The following NAV2 variants were observed in gnomAD, a reference collection of about 807,000 sequenced individuals.
NAV2 encodes the protein neuron navigator 2, also known as helicase, APC down-regulated 1.
In NAV2, 54 loss-of-function variants were observed where a neutral mutation model predicts 223.2. The ratio of observed to expected loss-of-function variants is 0.24; its 90% CI spans 0.19 to 0.30. The LOEUF is 0.30. NAV2 is among the 10% of genes least tolerant of loss of function. NAV2 has a pLI of 1.00. For synonymous variants in NAV2, 1,279 were observed against 1,239.3 expected (o/e 1.03, Z -0.67); for missense variants, 2,806 against 3,147.5 (o/e 0.89, Z 2.60).
chr11:19,722,069 T>C (rs2050789908), intron 1 of NAV2, among the ~76,000 whole-genome samples: 1 of 152,218 alleles, frequency 6.6e-6, no homozygotes, highest in Admixed American at 6.5e-5. Context: ...ATAAATGAAA[T>C]AGGAGTGTGT....
At chr11:19,844,492 G>A (rs1300090980) in intron 3 of NAV2, among the ~76,000 whole-genome samples, 1 of 152,192 alleles carries the variant, frequency 6.6e-6, no homozygotes, top group Non-Finnish European at 1.5e-5. Context: ...GACCAGAAAT[G>A]TTTTGGATTT....
chr11:20,107,858 C>T (rs2062275959), intron 36 of NAV2, 76 bp downstream of exon 36: 2 of 980,110 alleles, frequency 2.0e-6, no homozygotes, highest in African/African-American at 3.2e-5. Flanking sequence ...GTCTTTATCT[C>T]CTCCTCCAGG....
rs867903053 is a variant in NAV2, at chr11:19,831,253, G to C, written c.268-1231G>C. 6.0e-4 allele frequency among the ~76,000 whole-genome samples: 84 copies of C among 140,918 alleles called. 2 individuals carry two copies. Among genetic ancestry groups the C allele is most frequent in the Middle Eastern group, 3.4e-3 (1 of 290 alleles). 92.4% of individuals were successfully genotyped at this position (140,918 alleles called of 152,430 possible). A position where few individuals can be genotyped will look rare whatever the true frequency, so the allele number is the denominator to read the frequency against. ...GGGGGGGGGGCGCGATGGGGAGTGG[G>C]GGGGGATGACCATTGTGTGGGATTA... is the stretch of plus-strand genomic sequence containing the variant. On this transcript the variant is annotated intron_variant, in intron 1 of 37. Transcript: ENST00000349880.
intron 1 of NAV2, among the ~76,000 whole-genome samples, chr11:19,466,652 A>G (rs1472398277): frequency 6.6e-6 from 1 of 152,212 alleles, no homozygotes; most frequent in Non-Finnish European, 1.5e-5. Context: ...GGAGCCACAC[A>G]CGAGGGCTCT....
At chr11:20,013,747 T>G (rs143647099) in intron 11 of NAV2, among the ~76,000 whole-genome samples, 69 of 152,298 alleles carry the variant, frequency 4.5e-4, no homozygotes, top group African/African-American at 1.6e-3. Flanking sequence ...AGGGGACAGA[T>G]GGATCATGAG....
intron 6 of NAV2, among the ~76,000 whole-genome samples, chr11:19,915,553 C>T (rs1166349409): frequency 6.6e-6 from 1 of 152,242 alleles, no homozygotes; most frequent in Non-Finnish European, 1.5e-5. Context: ...CTGCAGCTCT[C>T]CATTTGAAAT....
chr11:19,694,916 C>T (rs1327333116), intron 1 of NAV2, among the ~76,000 whole-genome samples: 2 of 152,186 alleles, frequency 1.3e-5, no homozygotes, highest in African/African-American at 2.4e-5. Context: ...CCACTGTCCC[C>T]GGAGCCTGTT....
chr11:19,969,212 A>G (rs2625300), intron 10 of NAV2, among the ~76,000 whole-genome samples: 128,802 of 152,224 alleles, frequency 0.85, 55,068 homozygotes, highest in African/African-American at 0.94. Flanking sequence ...ATACAATGGG[A>G]AATTTGGCCA....
At chr11:19,604,156 T>C (rs998190295) in intron 1 of NAV2, among the ~76,000 whole-genome samples, 1 of 152,022 alleles carries the variant, frequency 6.6e-6, no homozygotes, top group Non-Finnish European at 1.5e-5. Context: ...TTTGGAGGGT[T>C]TTAAGCAGAG....
chr11:19,718,204 T>A (rs183136329), intron 1 of NAV2, among the ~76,000 whole-genome samples: 60 of 152,334 alleles, frequency 3.9e-4, no homozygotes, highest in African/African-American at 1.3e-3. Context: ...ATTAGGACCA[T>A]GTGCAGAGAG....
chr11:19,407,544 C>T lies in NAV2; in HGVS notation c.75+56517C>T, dbSNP rs551145909. On this transcript the variant is annotated intron_variant, in intron 1 of 37. Transcript: ENST00000360655. Reference sequence around the variant, plus strand: ...TTTGTAAGCATGCGGAAGAGTTTGACGTTCACCAGTGGACAATGGGATTTG... The same window carrying T: ...TTTGTAAGCATGCGGAAGAGTTTGATGTTCACCAGTGGACAATGGGATTTG... Among the ~76,000 whole-genome samples the T allele has an allele frequency of 4.6e-5, 7 of 152,254 alleles. No homozygotes were observed. The South Asian group carries it at 1.2e-3, about 27-fold the overall frequency.
intron 6 of NAV2, among the ~76,000 whole-genome samples, chr11:19,905,988 A>G (rs1387844785): frequency 6.6e-6 from 1 of 152,016 alleles, no homozygotes; most frequent in Non-Finnish European, 1.5e-5. Context: ...CCTCAAAATG[A>G]ATGTTTTCAA....
chr11:19,812,172 T>C (rs2403533), intron 1 of NAV2, among the ~76,000 whole-genome samples: 80,499 of 151,730 alleles, frequency 0.53, 23,279 homozygotes, highest in Middle Eastern at 0.71. Flanking sequence ...TCTGATTCAA[T>C]AGGCCTGGAG....
In NAV2 at chr11:19,703,873, A is replaced by T. The variant is rs116640511; in HGVS notation, c.76-128611A>T. On this transcript the variant is annotated intron_variant, in intron 1 of 37. Coordinates refer to the NAV2 transcript ENST00000360655. The stretch of plus-strand genomic sequence containing the variant: ...GATTTCATTGGTCCAGGGTGGGACC[A>T]GGACAGCCTTAGTTTGTGGATTTCC... 3.6e-3 allele frequency among the ~76,000 whole-genome samples: 544 copies of T among 152,342 alleles called. 2 individuals are homozygous for T. Among genetic ancestry groups the T allele is most frequent in the African/African-American group, 0.013 (526 of 41,578 alleles).
chr11:20,086,773 G>C (rs912678397), intron 26 of NAV2, among the ~76,000 whole-genome samples: 3 of 152,094 alleles, frequency 2.0e-5, no homozygotes, highest in Non-Finnish European at 4.4e-5. Flanking sequence ...GGAAAGAGGA[G>C]AGCCATCCTG....
intron 24 of NAV2, 74 bp downstream of exon 24, chr11:20,078,178 GC>G: frequency 9.8e-7 from 1 of 1,016,004 alleles, no homozygotes; most frequent in Non-Finnish European, 1.5e-6. Flanking sequence ...ATCATATGAT[GC>G]AACCTCCTTG....
chr11:20,074,941 A>G (rs981383217), intron 22 of NAV2, among the ~76,000 whole-genome samples: 1 of 151,980 alleles, frequency 6.6e-6, no homozygotes, highest in Non-Finnish European at 1.5e-5. Flanking sequence ...CCTGTTTACA[A>G]TAGGAATGCC....
At chr11:19,802,392 G>A (rs1373979736) in intron 1 of NAV2, among the ~76,000 whole-genome samples, 1 of 152,090 alleles carries the variant, frequency 6.6e-6, no homozygotes, top group African/African-American at 2.4e-5. Flanking sequence ...TCTAAAGAAA[G>A]ACTACCTAGA....
chr11:19,497,556 T>C (rs1590337107), intron 1 of NAV2, among the ~76,000 whole-genome samples: 1 of 152,206 alleles, frequency 6.6e-6, no homozygotes, highest in East Asian at 1.9e-4. Flanking sequence ...GCTCTCTTCC[T>C]ATTTTCAGTA....
Sources: allele counts gnomAD v4.1 joint callset (sites outside exome capture counted in the v4.1 genomes callset), GRCh38; gene constraint gnomAD v4.1.1; transcripts MANE v1.5; gene names NCBI Gene and HGNC (gene_info 2026-07-23, HGNC 2026-07-21).